Variants in MTX2 observed in about 807,000 individuals in gnomAD.
MTX2 encodes metaxin-2.
In MTX2, 35 loss-of-function variants were observed where a neutral mutation model predicts 42.3. The observed-to-expected ratio is 0.83, with a 90% CI of 0.63 to 1.10. MTX2 has a LOEUF of 1.10. Ranked by LOEUF, MTX2 falls within the 50% of genes least tolerant of loss-of-function variation. The probability of loss-of-function intolerance (pLI) is 0.00; values close to 1 mark genes in which losing one functional copy is unlikely to be tolerated. For missense variants in MTX2, 307 were observed against 304.1 expected, an observed-to-expected ratio of 1.01 and a Z score of -0.07; for synonymous variants, 119 against 100.9, an observed-to-expected ratio of 1.18 and a Z score of -1.08.
At chr2:176,285,924 T>C (rs1166548076) in intron 1 of MTX2, among the ~76,000 whole-genome samples, 1 of 152,224 alleles carries the variant, frequency 6.6e-6, no homozygotes, top group Non-Finnish European at 1.5e-5. Context: ...ATGGGTCATA[T>C]GGTAAAATTC....
At chr2:176,328,199 A>G (rs1684756602) in intron 5 of MTX2, 94 bp from the exon 6 acceptor site, 2 of 676,392 alleles carry the variant, frequency 3.0e-6, no homozygotes, top group Non-Finnish European at 4.7e-6. Context: ...AATTCATTGT[A>G]TAGTTGCATG....
chr2:176,293,797 A>G (rs867282807), intron 1 of MTX2, among the ~76,000 whole-genome samples: 1 of 152,174 alleles, frequency 6.6e-6, no homozygotes, highest in African/African-American at 2.4e-5. Flanking sequence ...CAACAGCCTA[A>G]CAGAATCATG....
At chr2:176,329,188 C>T in intron 7 of MTX2, 113 bp from the exon 8 acceptor site, 2 of 1,253,560 alleles carry the variant, frequency 1.6e-6, no homozygotes, top group Non-Finnish European at 2.1e-6. Flanking sequence ...GTATTTTTTT[C>T]AGATTGCTCT....
chr2:176,271,485 A>G (rs1692804912), intron 1 of MTX2, among the ~76,000 whole-genome samples: 1 of 152,194 alleles, frequency 6.6e-6, no homozygotes, highest in Non-Finnish European at 1.5e-5. Flanking sequence ...AATCAAGGAC[A>G]AAGGATTGGA....
intron 1 of MTX2, among the ~76,000 whole-genome samples, chr2:176,270,037 C>T (rs980580319): frequency 7.9e-5 from 12 of 152,142 alleles, no homozygotes; most frequent in African/African-American, 2.2e-4. Context: ...GTGGCAGTTT[C>T]TGGGTCTTGG....
Position 176,313,388 on chromosome 2 carries a change from C to CTTTTT in MTX2, c.136-9987_136-9983dup, listed in dbSNP as rs1207416607. Among the ~76,000 whole-genome samples, 143 of 103,480 alleles carry CTTTTT rather than the reference C, an allele frequency of 1.4e-3. 4 individuals are homozygous for CTTTTT. The highest frequency in any genetic ancestry group is 5.0e-3 in the African/African-American group (126 of 25,360). The allele number at this position is 103,480 out of a possible 152,430, so 67.9% of individuals were successfully genotyped here. A position where few individuals can be genotyped will look rare whatever the true frequency, so the allele number is the denominator to read the frequency against. On this transcript the variant is annotated intron_variant, in intron 3 of 9. Coordinates refer to ENST00000249442, the MANE Select transcript of MTX2 (RefSeq NM_006554.5). ...AACTTCTTATTGTTCTACACTGATTCTTTTTTTTTTTTTTTTTTTTTGGAG... is the reference window on the plus strand; with the variant it reads ...AACTTCTTATTGTTCTACACTGATTCTTTTTTTTTTTTTTTTTTTTTTTTTTGGAG...
At chr2:176,311,525 C>G (rs1189606803) in intron 3 of MTX2, among the ~76,000 whole-genome samples, 1 of 152,210 alleles carries the variant, frequency 6.6e-6, no homozygotes, top group Admixed American at 6.5e-5. Flanking sequence ...AGCGTAGAGG[C>G]AGTAGGCCTT....
intron 7 of MTX2, 82 bp downstream of exon 7, chr2:176,328,994 A>T: frequency 8.0e-7 from 1 of 1,254,794 alleles, no homozygotes; most frequent in East Asian, 2.4e-5. Context: ...CCTGCTCATA[A>T]ATGAAACATT....
At chr2:176,293,508 T>C (rs1416448952) in intron 1 of MTX2, among the ~76,000 whole-genome samples, 1 of 152,140 alleles carries the variant, frequency 6.6e-6, no homozygotes, top group Non-Finnish European at 1.5e-5. Flanking sequence ...CATGAATGGC[T>C]CAGTGCTATC....
intron 3 of MTX2, 38 bp from the exon 4 acceptor site, chr2:176,323,353 GC>G: frequency 6.5e-7 from 1 of 1,535,202 alleles, no homozygotes; most frequent in Non-Finnish European, 9.0e-7. Flanking sequence ...ATATGCATAT[GC>G]TTTTTACTGG....
chr2:176,277,180 C>T (rs1692970122), intron 1 of MTX2, among the ~76,000 whole-genome samples: 1 of 152,098 alleles, frequency 6.6e-6, no homozygotes, highest in Non-Finnish European at 1.5e-5. Context: ...TTCATTCCAT[C>T]CCTCCTCACA....
chr2:176,305,525 A>T (rs539683752), intron 3 of MTX2, among the ~76,000 whole-genome samples: 1 of 152,126 alleles, frequency 6.6e-6, no homozygotes, highest in African/African-American at 2.4e-5. Flanking sequence ...TGTAAACAAG[A>T]TAGACATGGT....
At chr2:176,324,128 T>TGTAATTATGGTTTTGTTGGA (rs1209747496) in intron 4 of MTX2, among the ~76,000 whole-genome samples, 1 of 151,602 alleles carries the variant, frequency 6.6e-6, no homozygotes, top group Non-Finnish European at 1.5e-5. Context: ...GGATGATTAT[T>TGTAATTATGGTTTTGTTGGA]GTAATTATGG....
intron 1 of MTX2, among the ~76,000 whole-genome samples, chr2:176,285,354 C>G (rs1243919802): frequency 6.6e-6 from 1 of 150,392 alleles, no homozygotes; most frequent in Non-Finnish European, 1.5e-5. Context: ...TTTACAAACC[C>G]TTTTAGATTT....
At chr2:176,309,886 G>T (rs1386145670) in intron 3 of MTX2, among the ~76,000 whole-genome samples, 1 of 151,644 alleles carries the variant, frequency 6.6e-6, no homozygotes, top group African/African-American at 2.4e-5. Flanking sequence ...TTTTAATTGG[G>T]GCATTTAGCC....
chr2:176,322,664 T>A (rs888539036), intron 3 of MTX2, among the ~76,000 whole-genome samples: 1 of 152,026 alleles, frequency 6.6e-6, no homozygotes, highest in African/African-American at 2.4e-5. Flanking sequence ...TGTGATCTAG[T>A]AATAGAGTTT....
intron 1 of MTX2, among the ~76,000 whole-genome samples, chr2:176,280,816 C>A (rs958861480): frequency 6.6e-6 from 1 of 152,162 alleles, no homozygotes; most frequent in Non-Finnish European, 1.5e-5. Context: ...TAACATTTAA[C>A]ATCAAGAGAA....
At chr2:176,282,295 T>G (rs1042969886) in intron 1 of MTX2, among the ~76,000 whole-genome samples, 1 of 152,122 alleles carries the variant, frequency 6.6e-6, no homozygotes, top group African/African-American at 2.4e-5. Context: ...TTGCCTTTCA[T>G]GAGCTTATAT....
In MTX2 at chr2:176,316,883, GTATTTA is replaced by G. The variant is rs1289586877; in HGVS notation, c.136-6506_136-6501del. Among the ~76,000 whole-genome samples, 4 of 151,748 alleles carry G rather than the reference GTATTTA, an allele frequency of 2.6e-5. No homozygotes were observed. The East Asian group carries it at 7.8e-4, about 29-fold the overall frequency. On this transcript the variant is annotated intron_variant, in intron 3 of 9. Transcript: ENST00000249442. ...TTTTATACATATATGTTCATATTAT[GTATTTA>G]TAGCAATAACATTTCTAGTTCAAAG...
Sources: allele counts gnomAD v4.1 joint callset (sites outside exome capture counted in the v4.1 genomes callset), GRCh38; gene constraint gnomAD v4.1.1; transcripts MANE v1.5; gene names NCBI Gene and HGNC (gene_info 2026-07-23, HGNC 2026-07-21).